CNTNAP2: variants seen among roughly 807,000 people sequenced by gnomAD.
The protein encoded by CNTNAP2 is contactin associated protein 2, also known as contactin-associated protein-like 2.
CNTNAP2 carries 98 observed loss-of-function variants against 155.2 expected under a neutral mutation model. That is an observed-to-expected ratio of 0.63 (90% CI 0.54 to 0.75). The LOEUF is 0.75. CNTNAP2 is among the 30% of genes least tolerant of loss of function. CNTNAP2 has a pLI of 0.00. For missense variants in CNTNAP2, 1,727 were observed against 1,688.1 expected, an observed-to-expected ratio of 1.02 and a Z score of -0.40; for synonymous variants, 651 against 631.2, an observed-to-expected ratio of 1.03 and a Z score of -0.47.
chr7:146,571,357 T>A (rs1223371079), intron 1 of CNTNAP2, among the ~76,000 whole-genome samples: 2 of 152,152 alleles, frequency 1.3e-5, no homozygotes, highest in East Asian at 3.8e-4. Flanking sequence ...TATTATCTAG[T>A]ATAATGCTAT....
chr7:147,115,388 C>G (rs778092557), intron 5 of CNTNAP2, among the ~76,000 whole-genome samples: 3 of 152,004 alleles, frequency 2.0e-5, no homozygotes, highest in Admixed American at 6.5e-5. Flanking sequence ...GGGAAGTTCT[C>G]CTGGATCATA....
chr7:146,370,079 T>G (rs961756654), intron 1 of CNTNAP2, among the ~76,000 whole-genome samples: 29 of 151,882 alleles, frequency 1.9e-4, no homozygotes, highest in South Asian at 4.2e-4. Flanking sequence ...GTTGTTTTTC[T>G]TCCAGATTTG....
intron 20 of CNTNAP2, among the ~76,000 whole-genome samples, chr7:148,232,309 C>T (rs998232871): frequency 5.3e-5 from 8 of 152,184 alleles, no homozygotes; most frequent in Admixed American, 2.6e-4. Flanking sequence ...GGAAGTAATT[C>T]GGAAAGTGCT....
At chr7:147,128,445 G>A (rs947384544) in intron 6 of CNTNAP2, among the ~76,000 whole-genome samples, 5 of 152,076 alleles carry the variant, frequency 3.3e-5, no homozygotes, top group African/African-American at 1.2e-4. Context: ...TGCCTTTGGG[G>A]CAGTAAAATT....
intron 3 of CNTNAP2, among the ~76,000 whole-genome samples, chr7:146,844,319 C>G (rs1373166131): frequency 6.6e-6 from 1 of 152,046 alleles, no homozygotes; most frequent in African/African-American, 2.4e-5. Context: ...CCTTCCATTC[C>G]TCTTTGATGA....
At chr7:147,868,254 T>A (rs569446340) in intron 13 of CNTNAP2, among the ~76,000 whole-genome samples, 1 of 152,338 alleles carries the variant, frequency 6.6e-6, no homozygotes, top group South Asian at 2.1e-4. Context: ...CTCCAGACCC[T>A]GTTTTCTTGG....
intron 9 of CNTNAP2, among the ~76,000 whole-genome samples, chr7:147,389,601 G>A (rs955532698): frequency 1.3e-5 from 2 of 152,172 alleles, no homozygotes; most frequent in East Asian, 1.9e-4. Flanking sequence ...AATCAAGTAT[G>A]AAGTTTTTAT....
intron 12 of CNTNAP2, among the ~76,000 whole-genome samples, chr7:147,586,683 T>C (rs981002208): frequency 5.5e-4 from 83 of 151,992 alleles, no homozygotes; most frequent in African/African-American, 1.9e-3. Flanking sequence ...TGTGCTGCCA[T>C]TGGGCTTGTC....
intron 23 of CNTNAP2, 85 bp downstream of exon 23, chr7:148,409,556 A>G: frequency 8.4e-7 from 1 of 1,195,012 alleles, no homozygotes; most frequent in Non-Finnish European, 1.2e-6. Context: ...TCTAGGAAAA[A>G]AAGTTTTCTA....
intron 1 of CNTNAP2, among the ~76,000 whole-genome samples, chr7:146,530,600 G>A (rs1373178386): frequency 3.9e-5 from 6 of 152,060 alleles, no homozygotes; most frequent in African/African-American, 7.2e-5. Flanking sequence ...AGGCATACAC[G>A]TGGCCAAAAG....
chr7:148,205,114 C>T lies in CNTNAP2; in HGVS notation c.3011-12174C>T, dbSNP rs115133914. On this transcript the variant is annotated intron_variant, in intron 18 of 23. Coordinates refer to ENST00000361727, the MANE Select transcript of CNTNAP2 (RefSeq NM_014141.6). ...TTTCACTAGACTGAGACTAAAACCG[C>T]GAATTAAAATGGTGTTTGTCCTCAA... Among the ~76,000 whole-genome samples, 731 of 152,246 alleles carry T rather than the reference C, an allele frequency of 4.8e-3. 8 individuals carry two copies. Among genetic ancestry groups the T allele is most frequent in the African/African-American group, 0.017 (704 of 41,542 alleles).
intron 21 of CNTNAP2, among the ~76,000 whole-genome samples, chr7:148,308,115 G>A (rs558083321): frequency 8.3e-4 from 126 of 152,148 alleles, no homozygotes; most frequent in Non-Finnish European, 1.6e-3. Flanking sequence ...CAAATAGTGA[G>A]GTCCCTTAGT....
intron 13 of CNTNAP2, among the ~76,000 whole-genome samples, chr7:147,689,299 A>G (rs1164576383): frequency 2.6e-5 from 4 of 151,842 alleles, no homozygotes; most frequent in African/African-American, 9.7e-5. Flanking sequence ...ACAGTTACGC[A>G]CCACCAAGCC....
intron 12 of CNTNAP2, among the ~76,000 whole-genome samples, chr7:147,611,502 C>T (rs1298731917): frequency 6.6e-6 from 1 of 152,204 alleles, no homozygotes; most frequent in African/African-American, 2.4e-5. Context: ...GGATATCCTT[C>T]TTCCTAGAAA....
chr7:148,118,544 G>A (rs1804526866), intron 16 of CNTNAP2, among the ~76,000 whole-genome samples: 1 of 152,202 alleles, frequency 6.6e-6, no homozygotes, highest in African/African-American at 2.4e-5. Context: ...ACACCGCCCT[G>A]AGAATGTGGG....
chr7:146,131,511 C>T (rs886373359), intron 1 of CNTNAP2, among the ~76,000 whole-genome samples: 3 of 152,138 alleles, frequency 2.0e-5, no homozygotes, highest in African/African-American at 7.2e-5. Context: ...ACATTTGTGA[C>T]TTCCTGGGTT....
At chr7:147,566,355 G>T (rs1362993369) in intron 12 of CNTNAP2, among the ~76,000 whole-genome samples, 21 of 129,056 alleles carry the variant, frequency 1.6e-4, no homozygotes, top group Non-Finnish European at 6.6e-5. Context: ...GGAAAGGAAG[G>T]GGGAGGGGGA....
At chr7:148,133,987 C>G (rs1259443743) in intron 16 of CNTNAP2, 2 of 152,122 alleles carry the variant, frequency 1.3e-5, no homozygotes, top group African/African-American at 4.8e-5. Flanking sequence ...GACCGTGCAA[C>G]ATAGAAGCAA....
chr7:147,566,118 CA>C (rs59352888), intron 12 of CNTNAP2, among the ~76,000 whole-genome samples: 32,597 of 107,166 alleles, frequency 0.3, 4,290 homozygotes, highest in African/African-American at 0.39. Context: ...CTATCTCTAC[CA>C]AAAAAAAAAA....
Sources: allele counts gnomAD v4.1 joint callset (sites outside exome capture counted in the v4.1 genomes callset), GRCh38; gene constraint gnomAD v4.1.1; transcripts MANE v1.5; gene names NCBI Gene and HGNC (gene_info 2026-07-23, HGNC 2026-07-21).